Variants in GRIK3 observed in about 807,000 individuals in gnomAD.
GRIK3 encodes glutamate receptor ionotropic, kainate 3.
In GRIK3, 29 loss-of-function variants were observed where a neutral mutation model predicts 102.5. The observed-to-expected ratio is 0.28, with a 90% confidence interval of 0.21 to 0.39. The LOEUF (loss-of-function observed/expected upper bound fraction) is 0.39. Among genes scored for constraint, GRIK3 ranks in the 10% least tolerant of loss-of-function variants. The pLI is 1.00. For missense variants in GRIK3, 908 were observed against 1,252.4 expected (o/e 0.73, Z 4.15); for synonymous variants, 511 against 504.9 (o/e 1.01, Z -0.16).
At chr1:36,865,674 C>A (rs1280678107) in intron 5 of GRIK3, among the ~76,000 whole-genome samples, 1 of 152,198 alleles carries the variant, frequency 6.6e-6, no homozygotes, top group African/African-American at 2.4e-5. Context: ...TTCTTCCCGA[C>A]CCTCAGATTG....
chr1:37,019,451 C>T (rs1642687440), intron 1 of GRIK3, among the ~76,000 whole-genome samples: 1 of 152,168 alleles, frequency 6.6e-6, no homozygotes. Flanking sequence ...CCCCAGGACT[C>T]CAGGGAATGA....
intron 3 of GRIK3, among the ~76,000 whole-genome samples, chr1:36,874,489 C>T (rs549409918): frequency 6.6e-6 from 1 of 152,238 alleles, no homozygotes; most frequent in East Asian, 1.9e-4. Context: ...CTTCCTAATA[C>T]CAGACTTGAT....
intron 15 of GRIK3, chr1:36,804,554 C>G (rs914535903): frequency 4.4e-6 from 1 of 228,004 alleles, no homozygotes; most frequent in African/African-American, 2.3e-5. Context: ...ATGGAAATTT[C>G]CAAATATATG....
chr1:36,811,940 C>T (rs2124183563), intron 13 of GRIK3, among the ~76,000 whole-genome samples: 1 of 152,280 alleles, frequency 6.6e-6, no homozygotes, highest in South Asian at 2.1e-4. Flanking sequence ...AGACATCATC[C>T]CAGACTCAAA....
At position 36,940,460 on chromosome 1, in the gene GRIK3, C is replaced by T. The variant is rs755562759; in HGVS notation, c.116-49364G>A. On this transcript the variant is annotated intron_variant, in intron 1 of 15. Coordinates refer to ENST00000373091, the MANE Select transcript of GRIK3 (RefSeq NM_000831.4). Reference sequence around the variant, plus strand: ...TTCTTAGAAGTAATTACTAATACAACCCACTTTCATTTACCCACTTTACCC... The same window carrying T: ...TTCTTAGAAGTAATTACTAATACAATCCACTTTCATTTACCCACTTTACCC... 3.1e-4 allele frequency among the ~76,000 whole-genome samples: 47 copies of T among 152,224 alleles called. 1 individual carries two copies. The highest frequency in any genetic ancestry group is 5.3e-4 in the Non-Finnish European group (36 of 68,042).
intron 1 of GRIK3, among the ~76,000 whole-genome samples, chr1:36,915,378 G>A (rs1019310069): frequency 2.0e-5 from 3 of 152,122 alleles, no homozygotes; most frequent in African/African-American, 7.2e-5. Flanking sequence ...AACAAGACCT[G>A]GCACATAATT....
intron 4 of GRIK3, among the ~76,000 whole-genome samples, chr1:36,870,862 C>A (rs1046842338): frequency 3.3e-5 from 5 of 151,710 alleles, no homozygotes; most frequent in Middle Eastern, 3.4e-3. Context: ...AGGGCAACTG[C>A]CGAGTAAACC....
At chr1:36,953,270 G>A (rs1641866846) in intron 1 of GRIK3, among the ~76,000 whole-genome samples, 1 of 152,154 alleles carries the variant, frequency 6.6e-6, no homozygotes, top group Non-Finnish European at 1.5e-5. Flanking sequence ...TTCCCAGCTT[G>A]AGCAGAACAG....
rs1203476811 is a variant in GRIK3 at position 36,861,944 on chromosome 1, G to A, written c.787-1927C>T. 2.0e-5 allele frequency among the ~76,000 whole-genome samples: 3 copies of A among 152,246 alleles called. No individual in the cohort carries two copies. In the East Asian group the frequency reaches 5.8e-4, roughly 29 times the overall value. On this transcript the variant is annotated intron_variant, in intron 5 of 15. Transcript: ENST00000373091. ...TGGCCCCAGTGTCAGTAGGGAGTGG[G>A]GGGTGGCAGTGCTCAGCCCTGCACA...
At chr1:36,889,710 C>T (rs1052260777) in intron 2 of GRIK3, among the ~76,000 whole-genome samples, 1 of 152,042 alleles carries the variant, frequency 6.6e-6, no homozygotes, top group Non-Finnish European at 1.5e-5. Flanking sequence ...GAAACTCTGC[C>T]CTGGGGTTCC....
At chr1:36,909,580 T>C (rs542600866) in intron 1 of GRIK3, among the ~76,000 whole-genome samples, 58 of 152,232 alleles carry the variant, frequency 3.8e-4, no homozygotes, top group African/African-American at 1.3e-3. Context: ...GGATGACAGG[T>C]GTGAGCCACT....
intron 1 of GRIK3, among the ~76,000 whole-genome samples, chr1:36,953,706 G>T (rs771469705): frequency 9.9e-5 from 15 of 152,008 alleles, no homozygotes; most frequent in Non-Finnish European, 1.9e-4. Context: ...TCACGGAAGT[G>T]GCACCCGAAG....
chr1:36,946,250 A>G (rs1641783486), intron 1 of GRIK3, among the ~76,000 whole-genome samples: 1 of 152,232 alleles, frequency 6.6e-6, no homozygotes, highest in Admixed American at 6.5e-5. Context: ...ACCAGGACAG[A>G]GCAGATGGGA....
chr1:36,831,929 C>A (rs1395092865), intron 10 of GRIK3, among the ~76,000 whole-genome samples: 1 of 152,126 alleles, frequency 6.6e-6, no homozygotes, highest in Non-Finnish European at 1.5e-5. Context: ...CCTCCTCTTA[C>A]CTCCGGATGC....
intron 2 of GRIK3, among the ~76,000 whole-genome samples, chr1:36,887,777 T>A (rs1406183539): frequency 6.9e-5 from 6 of 87,584 alleles, no homozygotes; most frequent in African/African-American, 2.9e-4. Context: ...AAAAAATATA[T>A]ATATATATAT....
intron 1 of GRIK3, among the ~76,000 whole-genome samples, chr1:36,892,515 C>CG (rs1553180284): frequency 2.8e-5 from 4 of 141,024 alleles, no homozygotes; most frequent in African/African-American, 1.1e-4. Context: ...ATGACCAGCA[C>CG]AAAAAAAAAA....
intron 1 of GRIK3, among the ~76,000 whole-genome samples, chr1:36,967,019 A>C (rs1366547035): frequency 6.6e-6 from 1 of 152,188 alleles, no homozygotes; most frequent in Non-Finnish European, 1.5e-5. Context: ...ACAATCATGA[A>C]TATTTGTTGA....
chr1:37,028,345 A>AG (rs1189707704), intron 1 of GRIK3, among the ~76,000 whole-genome samples: 1 of 152,086 alleles, frequency 6.6e-6, no homozygotes, highest in Non-Finnish European at 1.5e-5. Flanking sequence ...GCCTCACCCA[A>AG]GGGTGAGTCC....
At chr1:37,023,146 G>A (rs188194803) in intron 1 of GRIK3, among the ~76,000 whole-genome samples, 118 of 152,208 alleles carry the variant, frequency 7.8e-4, no homozygotes, top group African/African-American at 2.4e-3. Flanking sequence ...GGCCAACATG[G>A]TGAAACCCCA....
Sources: allele counts gnomAD v4.1 joint callset (sites outside exome capture counted in the v4.1 genomes callset), GRCh38; gene constraint gnomAD v4.1.1; transcripts MANE v1.5; gene names NCBI Gene and HGNC (gene_info 2026-07-23, HGNC 2026-07-21).